The following ELMO1 variants were observed in gnomAD, a reference collection of about 807,000 sequenced individuals.
ELMO1 encodes the protein engulfment and cell motility 1, also known as engulfment and cell motility protein 1.
ELMO1 carries 26 observed loss-of-function variants against 98.9 expected under a neutral mutation model. That is an observed-to-expected ratio of 0.26 (90% CI 0.19 to 0.36). The LOEUF (loss-of-function observed/expected upper bound fraction) is 0.36, where lower values mean the gene tolerates loss of function less well. ELMO1 is among the 10% of genes least tolerant of loss of function. The probability of loss-of-function intolerance (pLI) is 1.00; values close to 1 mark genes in which losing one functional copy is unlikely to be tolerated. For synonymous variants in ELMO1, 346 were observed against 346.0 expected (o/e 1.00, Z 0.00); for missense variants, 627 against 935.2 (o/e 0.67, Z 4.30).
At chr7:37,198,820 T>C (rs768760698) in intron 13 of ELMO1, among the ~76,000 whole-genome samples, 2 of 152,222 alleles carry the variant, frequency 1.3e-5, no homozygotes, top group Non-Finnish European at 2.9e-5. Flanking sequence ...ATGTTGCCTC[T>C]CCTTCCGCCA....
At chr7:37,200,863 A>C (rs1184084196) in intron 13 of ELMO1, among the ~76,000 whole-genome samples, 1 of 151,856 alleles carries the variant, frequency 6.6e-6, no homozygotes, top group Non-Finnish European at 1.5e-5. Context: ...AGGTGGTAGG[A>C]TAGCTGGAGC....
intron 15 of ELMO1, among the ~76,000 whole-genome samples, chr7:37,059,558 CA>C (rs1796561336): frequency 6.6e-6 from 1 of 151,722 alleles, no homozygotes; most frequent in East Asian, 1.9e-4. Context: ...CTCACAGAGC[CA>C]AAAATCATTC....
intron 13 of ELMO1, among the ~76,000 whole-genome samples, chr7:37,145,729 A>C (rs1185313718): frequency 6.6e-6 from 1 of 152,234 alleles, no homozygotes; most frequent in African/African-American, 2.4e-5. Flanking sequence ...TTGAGGATTC[A>C]GGAGTTAATA....
At chr7:37,059,757 TG>T (rs758339418) in intron 15 of ELMO1, among the ~76,000 whole-genome samples, 18 of 152,168 alleles carry the variant, frequency 1.2e-4, no homozygotes, top group Non-Finnish European at 1.0e-4. Context: ...AGAGACCTCA[TG>T]GCACCAGAGC....
chr7:37,396,762 G>A (rs1236784599), intron 1 of ELMO1, among the ~76,000 whole-genome samples: 1 of 152,200 alleles, frequency 6.6e-6, no homozygotes, highest in Non-Finnish European at 1.5e-5. Context: ...GGGACATGCA[G>A]TTATACTTTT....
chr7:36,862,729 C>T (rs1030648878), intron 20 of ELMO1, among the ~76,000 whole-genome samples: 2 of 152,216 alleles, frequency 1.3e-5, no homozygotes, highest in South Asian at 2.1e-4. Flanking sequence ...TGCCTTCCTT[C>T]TCTGTGCTTC....
At chr7:37,189,999 C>G (rs1252546873) in intron 13 of ELMO1, among the ~76,000 whole-genome samples, 1 of 131,050 alleles carries the variant, frequency 7.6e-6, no homozygotes, top group African/African-American at 2.9e-5. Flanking sequence ...CAAACCATGC[C>G]AAATCAGATT....
At chr7:37,056,865 T>A (rs376536649) in intron 15 of ELMO1, among the ~76,000 whole-genome samples, 3 of 152,328 alleles carry the variant, frequency 2.0e-5, no homozygotes, top group South Asian at 4.1e-4. Context: ...AGCTGGGGCA[T>A]CTTGGGCCAG....
At chr7:36,970,741 T>G (rs540694639) in intron 16 of ELMO1, among the ~76,000 whole-genome samples, 1 of 152,332 alleles carries the variant, frequency 6.6e-6, no homozygotes, top group South Asian at 2.1e-4. Flanking sequence ...TTTTCCTCAA[T>G]GCAAGAACAA....
intron 15 of ELMO1, among the ~76,000 whole-genome samples, chr7:37,026,000 A>G (rs532260613): frequency 4.3e-4 from 66 of 152,052 alleles, no homozygotes; most frequent in Non-Finnish European, 4.9e-4. Flanking sequence ...AGAAGATGAA[A>G]AGGAAAATTC....
chr7:37,204,181 T>C (rs1396038333), intron 13 of ELMO1: 4 of 456,334 alleles, frequency 8.8e-6, no homozygotes, highest in Admixed American at 4.7e-5. Context: ...AAAATGTGTC[T>C]GGAATTGGTG....
chr7:37,379,164 C>A (rs1802486205), intron 1 of ELMO1, among the ~76,000 whole-genome samples: 1 of 152,048 alleles, frequency 6.6e-6, no homozygotes, highest in African/African-American at 2.4e-5. Context: ...CTCCGCCTCC[C>A]AAGTAGCTGG....
intron 15 of ELMO1, among the ~76,000 whole-genome samples, chr7:37,057,961 T>C (rs1429875510): frequency 1.3e-5 from 2 of 152,222 alleles, no homozygotes; most frequent in Non-Finnish European, 2.9e-5. Context: ...AAGAGCAAGA[T>C]GTTATTAACC....
intron 14 of ELMO1, among the ~76,000 whole-genome samples, chr7:37,098,406 A>C (rs1784471834): frequency 6.6e-6 from 1 of 152,252 alleles, no homozygotes; most frequent in Non-Finnish European, 1.5e-5. Flanking sequence ...TAACTTGTTG[A>C]GTGACAGAGA....
At position 37,233,176 on chromosome 7, in the gene ELMO1, G is replaced by C. The variant is rs1237452556; in HGVS notation, c.468C>G (p.Ser156=). Residue 156 remains serine, a synonymous_variant, in exon 8 of 22, where the codon TCC becomes TCG. Coordinates refer to ENST00000310758, the MANE Select transcript of ELMO1 (RefSeq NM_014800.11). Reference sequence around the variant, plus strand: ...GCTCAACGAAGGCCGTCAGGGTGAAGGACAGCATGTCTCCAAAGCTGAAAA... The same window carrying C: ...GCTCAACGAAGGCCGTCAGGGTGAACGACAGCATGTCTCCAAAGCTGAAAA... ...IMKPCFGDML[S]FTLTAFVELM... 1.9e-6 allele frequency: 3 copies of C among 1,613,512 alleles called. No individual in the cohort carries two copies. The highest frequency in any genetic ancestry group is 3.3e-5 in the Admixed American group (2 of 59,958).
intron 4 of ELMO1, among the ~76,000 whole-genome samples, chr7:37,289,158 T>A (rs541414878): frequency 6.6e-6 from 1 of 152,194 alleles, no homozygotes. Context: ...TTTGAGTGAA[T>A]AGAATGAATA....
chr7:37,269,247 C>T (rs949537124), intron 5 of ELMO1, among the ~76,000 whole-genome samples: 1 of 152,212 alleles, frequency 6.6e-6, no homozygotes, highest in Non-Finnish European at 1.5e-5. Flanking sequence ...CCTGTGGCTA[C>T]AGCCAAACCA....
intron 1 of ELMO1, among the ~76,000 whole-genome samples, chr7:37,348,695 G>A (rs770312639): frequency 2.8e-4 from 42 of 152,014 alleles, no homozygotes; most frequent in Non-Finnish European, 2.5e-4. Flanking sequence ...GACAGAAATC[G>A]CTTTGACTCC....
intron 16 of ELMO1, among the ~76,000 whole-genome samples, chr7:36,924,323 A>G (rs1351229888): frequency 6.6e-6 from 1 of 152,024 alleles, no homozygotes; most frequent in East Asian, 1.9e-4. Context: ...GGCTGTGTCC[A>G]CTCAGTATGC....
Sources: gnomAD v4.1 joint callset for allele counts (sites outside exome capture counted in the v4.1 genomes callset) on GRCh38, gnomAD v4.1.1 for gene constraint, MANE v1.5 for transcripts, NCBI Gene and HGNC (gene_info 2026-07-23, HGNC 2026-07-21) for gene names.